Variants in ATIC observed in about 807,000 individuals in gnomAD.
The protein encoded by ATIC is 5-aminoimidazole-4-carboxamide ribonucleotide formyltransferase/IMP cyclohydrolase.
ATIC carries 64 observed loss-of-function variants against 72.5 expected under a neutral mutation model. That is an observed-to-expected ratio of 0.88 (90% CI 0.72 to 1.09). The LOEUF is 1.09. ATIC is among the 50% of genes least tolerant of loss of function. The pLI is 0.00. For missense variants in ATIC, 787 were observed against 732.4 expected (o/e 1.07, Z -0.86); for synonymous variants, 281 against 267.1 (o/e 1.05, Z -0.51).
At chr2:215,323,008 G>A (rs1019459876) in intron 4 of ATIC, among the ~76,000 whole-genome samples, 9 of 152,172 alleles carry the variant, frequency 5.9e-5, no homozygotes, top group Non-Finnish European at 8.8e-5. Context: ...GCAGTGGCGC[G>A]ATCTTGGCTC....
downstream of ATIC, among the ~76,000 whole-genome samples, chr2:215,352,441 G>C (rs2106053837): frequency 6.6e-6 from 1 of 152,192 alleles, no homozygotes; most frequent in Non-Finnish European, 1.5e-5. Context: ...AATTAGCCAG[G>C]TGTGGTGGTG....
Position 215,346,842 on chromosome 2 carries a change from A to G in ATIC, c.1404A>G (p.Arg468=). ...AGDKANYWWL[R]HHPQVLSMKF... ...ATAAGGCAAACTATTGGTGGCTTAG[A>G]CACCATCCACAAGTGCTTTCGATGA... Residue 468 remains arginine, a synonymous_variant, in exon 14 of 16, where the codon AGA becomes AGG. Transcript: ENST00000236959. The G allele has an allele frequency of 1.2e-6, 2 of 1,614,196 alleles. No homozygotes were observed. The highest frequency in any genetic ancestry group is 1.7e-6 in the Non-Finnish European group (2 of 1,180,018).
At chr2:215,320,565 A>G (rs1212637619) in intron 4 of ATIC, among the ~76,000 whole-genome samples, 1 of 152,002 alleles carries the variant, frequency 6.6e-6, no homozygotes, top group Non-Finnish European at 1.5e-5. Context: ...TTACTTTTTA[A>G]CTTTTATTCT....
chr2:215,334,189 C>CTTTTTTTTTT (rs551274501), intron 9 of ATIC, among the ~76,000 whole-genome samples: 1 of 101,004 alleles, frequency 9.9e-6, no homozygotes, highest in Non-Finnish European at 1.9e-5. Context: ...AAAAGCTATT[C>CTTTTTTTTTT]TTTTTTTTTT....
chr2:215,339,106 T>TA (rs1364681522), intron 12 of ATIC, among the ~76,000 whole-genome samples, 199 bp downstream of exon 12: 1 of 152,212 alleles, frequency 6.6e-6, no homozygotes, highest in Non-Finnish European at 1.5e-5. Flanking sequence ...CTTCTGTGCA[T>TA]ATGTACACAC....
At chr2:215,365,587 C>T in the ATIC span, 1 of 1,614,014 alleles carries the variant, frequency 6.2e-7, no homozygotes, top group Non-Finnish European at 8.5e-7. Flanking sequence ...GACGGTCCCA[C>T]TTCTCTCCAA....
intron 2 of ATIC, among the ~76,000 whole-genome samples, chr2:215,316,066 A>G (rs902898537): frequency 6.6e-6 from 1 of 152,176 alleles, no homozygotes; most frequent in Non-Finnish European, 1.5e-5. Flanking sequence ...GTCATGAGGT[A>G]AACTGATGGA....
chr2:215,359,112 G>A, the ATIC span, among the ~76,000 whole-genome samples: 133 of 152,138 alleles, frequency 8.7e-4, no homozygotes, highest in Admixed American at 2.8e-3. Context: ...TTGAACTCCC[G>A]AGCTCAAGCA....
chr2:215,316,933 T>A (rs1379883345), intron 2 of ATIC, among the ~76,000 whole-genome samples: 1 of 152,126 alleles, frequency 6.6e-6, no homozygotes, highest in Non-Finnish European at 1.5e-5. Flanking sequence ...TGGCTAATTT[T>A]GTATTTTTAG....
the ATIC span, among the ~76,000 whole-genome samples, chr2:215,356,039 T>TA: frequency 6.6e-6 from 1 of 152,210 alleles, no homozygotes; most frequent in Non-Finnish European, 1.5e-5. Context: ...TTCTCCTACT[T>TA]ACAAGCTATG....
chr2:215,352,713 C>T (rs187663439), downstream of ATIC, among the ~76,000 whole-genome samples: 1 of 152,142 alleles, frequency 6.6e-6, no homozygotes, highest in Admixed American at 6.5e-5. Flanking sequence ...TAGATCTCTC[C>T]CAATGGCTAA....
At chr2:215,351,475 G>T (rs998620955), downstream of ATIC, among the ~76,000 whole-genome samples, 1 of 152,096 alleles carries the variant, frequency 6.6e-6, no homozygotes. Context: ...ATGATAATGG[G>T]AACAGGCTGA....
At chr2:215,324,361 C>T (rs767131249) in intron 4 of ATIC, among the ~76,000 whole-genome samples, 1 of 151,994 alleles carries the variant, frequency 6.6e-6, no homozygotes, top group Non-Finnish European at 1.5e-5. Context: ...TGTGTCAGAT[C>T]CTTTTTGTAC....
the ATIC span, chr2:215,365,520 A>G: frequency 6.2e-7 from 1 of 1,614,090 alleles, no homozygotes; most frequent in South Asian, 1.1e-5. Flanking sequence ...TCACACTTGA[A>G]TTCTCCTTTT....
downstream of ATIC, among the ~76,000 whole-genome samples, chr2:215,350,120 T>G (rs558830436): frequency 2.4e-4 from 36 of 152,186 alleles, 1 homozygote; most frequent in Middle Eastern, 6.8e-3. Flanking sequence ...TGTTTGTTTG[T>G]TTTTCATTTT....
chr2:215,334,189 C>CTTTTTTTTT lies in ATIC; in HGVS notation c.923-716_923-708dup, dbSNP rs551274501. On this transcript the variant is annotated intron_variant, in intron 9 of 15. Coordinates refer to ENST00000236959, the MANE Select transcript of ATIC (RefSeq NM_004044.7). ...AAAATTGAAATTACAAAAAGCTATT[C>CTTTTTTTTT]TTTTTTTTTTTTTTTTTTTTTTGAG... Among the ~76,000 whole-genome samples the CTTTTTTTTT allele has an allele frequency of 7.9e-5, 8 of 101,006 alleles. 1 individual carries two copies. The highest frequency in any genetic ancestry group is 1.4e-4 in the Non-Finnish European group (7 of 51,810). The allele number at this position is 101,006 out of a possible 152,430, so 66.3% of individuals were successfully genotyped here.
At chr2:215,317,010 G>T (rs558389220) in intron 2 of ATIC, among the ~76,000 whole-genome samples, 2 of 152,100 alleles carry the variant, frequency 1.3e-5, no homozygotes, top group African/African-American at 2.4e-5. Context: ...TGATCCATTC[G>T]CCTTGGCCTC....
At chr2:215,358,820 A>G in the ATIC span, among the ~76,000 whole-genome samples, 1 of 152,230 alleles carries the variant, frequency 6.6e-6, no homozygotes. Flanking sequence ...TCAACATAAA[A>G]GTAAAGGGGC....
At chr2:215,367,939 T>C in the ATIC span, 1 of 1,614,048 alleles carries the variant, frequency 6.2e-7, no homozygotes, top group Non-Finnish European at 8.5e-7. Context: ...ATTCAGACAT[T>C]CGTTCCCACT....
Sources: gnomAD v4.1 joint callset for allele counts (sites outside exome capture counted in the v4.1 genomes callset) on GRCh38, gnomAD v4.1.1 for gene constraint, MANE v1.5 for transcripts, NCBI Gene and HGNC (gene_info 2026-07-23, HGNC 2026-07-21) for gene names.